RERGL: variants seen among roughly 807,000 people sequenced by gnomAD.
The protein encoded by RERGL is ras-related and estrogen-regulated growth inhibitor-like protein.
RERGL carries 22 observed loss-of-function variants against 24.7 expected under a neutral mutation model. The observed-to-expected ratio is 0.89, with a 90% confidence interval of 0.64 to 1.27. The LOEUF is 1.27. Among genes scored for constraint, RERGL ranks in the 50% most tolerant of loss-of-function variants. The pLI, the probability that RERGL is intolerant of heterozygous loss-of-function variation, is 0.00. For synonymous variants in RERGL, 76 were observed against 82.6 expected, an observed-to-expected ratio of 0.92 and a Z score of 0.43; for missense variants, 259 against 235.3, an observed-to-expected ratio of 1.10 and a Z score of -0.66.
At chr12:18,084,387 T>C (rs577739893) in intron 4 of RERGL, 130 bp downstream of exon 4, 2 of 706,974 alleles carry the variant, frequency 2.8e-6, no homozygotes, top group Non-Finnish European at 4.4e-6. Flanking sequence ...TCCTGTGGAA[T>C]AGGAAGGTGA....
rs570781201 is a variant in RERGL at position 18,089,269 on chromosome 12, C to G, written c.53-313G>C. ...CAGATTTCTCATTATATTTGAGATG[C>G]AAGAAGTTTGACATCTGTTTATTTT... On this transcript the variant is annotated intron_variant, in intron 1 of 4. Coordinates refer to ENST00000538724, the MANE Select transcript of RERGL (RefSeq NM_001286201.2). 6.2e-6 allele frequency: 10 copies of G among 1,606,834 alleles called. No homozygotes were observed. The African/African-American group carries it at 8.0e-5, about 13-fold the overall frequency.
At chr12:18,087,976 T>C (rs965727529) in intron 2 of RERGL, among the ~76,000 whole-genome samples, 7 of 152,132 alleles carry the variant, frequency 4.6e-5, no homozygotes, top group African/African-American at 1.7e-4. Flanking sequence ...AAAAACACAA[T>C]GTAATATATT....
chr12:18,084,021 A>G (rs557595118), intron 4 of RERGL, among the ~76,000 whole-genome samples: 1 of 152,286 alleles, frequency 6.6e-6, no homozygotes, highest in Non-Finnish European at 1.5e-5. Context: ...TCAGCCCTTT[A>G]GGAGGTAAAA....
At chr12:18,088,341 C>T (rs2136834281) in intron 2 of RERGL, among the ~76,000 whole-genome samples, 1 of 152,028 alleles carries the variant, frequency 6.6e-6, no homozygotes, top group Admixed American at 6.5e-5. Context: ...AGTCAAAAAA[C>T]AGAAATTTAT....
intron 4 of RERGL, among the ~76,000 whole-genome samples, chr12:18,081,869 G>A (rs572345433): frequency 3.4e-4 from 52 of 152,262 alleles, no homozygotes; most frequent in African/African-American, 1.2e-3. Flanking sequence ...GGCTGGGTGC[G>A]GTGGCTCACG....
chr12:18,081,613 T>C (rs532145723), intron 4 of RERGL, 140 bp from the exon 5 acceptor site: 733 of 750,498 alleles, frequency 9.8e-4, no homozygotes, highest in Non-Finnish European at 1.3e-3. Flanking sequence ...TATGGTCATG[T>C]GTGTATACAG....
intron 3 of RERGL, among the ~76,000 whole-genome samples, chr12:18,085,025 A>T (rs1249881880): frequency 6.6e-6 from 1 of 152,132 alleles, no homozygotes; most frequent in Non-Finnish European, 1.5e-5. Flanking sequence ...ATATCTATTG[A>T]TTTTTGGTAC....
chr12:18,084,145 C>T (rs1387647271), intron 4 of RERGL, among the ~76,000 whole-genome samples: 2 of 152,104 alleles, frequency 1.3e-5, no homozygotes, highest in East Asian at 3.9e-4. Flanking sequence ...CATGTGGTGC[C>T]AAACGTAATA....
intron 4 of RERGL, among the ~76,000 whole-genome samples, chr12:18,081,841 A>G (rs1947176343): frequency 6.6e-6 from 1 of 152,212 alleles, no homozygotes; most frequent in African/African-American, 2.4e-5. Flanking sequence ...CTATGTAGCC[A>G]TAAAAAAGAA....
intron 2 of RERGL, among the ~76,000 whole-genome samples, chr12:18,086,024 A>ATTTTTTTTTTTTTT (rs577015041): frequency 3.2e-5 from 4 of 125,088 alleles, no homozygotes; most frequent in African/African-American, 1.3e-4. Flanking sequence ...CGCCTGGCCA[A>ATTTTTTTTTTTTTT]TTTTTTTTTT....
chr12:18,086,372 T>C (rs921191373), intron 2 of RERGL, among the ~76,000 whole-genome samples: 11 of 152,140 alleles, frequency 7.2e-5, no homozygotes, highest in East Asian at 1.9e-4. Context: ...TTCCCTCTTA[T>C]ATATCATAAT....
rs1472020953 is a variant in RERGL at position 18,084,592 on chromosome 12, C to T, written c.257G>A (p.Ser86Asn). ...ADGFVIVYDI[S>N]DRSSFAFAKA... Reference sequence around the variant, plus strand: ...TGCAAAAGCAAATGAAGACCTATCACTGATGTCATACACAATAACAAACCC... The same window carrying T: ...TGCAAAAGCAAATGAAGACCTATCATTGATGTCATACACAATAACAAACCC... The change falls in exon 4 of 5, where the codon AGT (serine) becomes AAT (asparagine). Residue 86 changes from serine (S) to asparagine (N), a missense_variant. By Grantham distance (46) the Ser-to-Asn change is conservative. Coordinates refer to ENST00000538724, the MANE Select transcript of RERGL (RefSeq NM_001286201.2). 2 of 1,613,150 alleles carry T rather than the reference C, an allele frequency of 1.2e-6. No individual in the cohort carries two copies. The highest frequency in any genetic ancestry group is 1.7e-6 in the Non-Finnish European group (2 of 1,179,646).
intron 2 of RERGL, among the ~76,000 whole-genome samples, 155 bp from the exon 3 acceptor site, chr12:18,085,848 CT>C (rs1174192368): frequency 0.3 from 35,665 of 118,634 alleles, 4,855 homozygotes; most frequent in East Asian, 0.61. Flanking sequence ...AGATATGTTT[CT>C]TTTTTTTTTT....
At chr12:18,085,926 C>T (rs1420265241) in intron 2 of RERGL, among the ~76,000 whole-genome samples, 2 of 148,488 alleles carry the variant, frequency 1.3e-5, no homozygotes, top group Admixed American at 6.8e-5. Flanking sequence ...GGCGCGATCT[C>T]GGCTCACCGC....
At chr12:18,084,731 G>A in intron 3 of RERGL, 66 bp from the exon 4 acceptor site, 2 of 1,388,152 alleles carry the variant, frequency 1.4e-6, no homozygotes, top group South Asian at 2.8e-5. Context: ...ACTTTAAACA[G>A]TTAACTAATG....
chr12:18,082,320 T>G (rs1947182121), intron 4 of RERGL, among the ~76,000 whole-genome samples: 1 of 151,884 alleles, frequency 6.6e-6, no homozygotes, highest in African/African-American at 2.4e-5. Context: ...CAACACACAA[T>G]GGTGCCTATT....
chr12:18,089,144 G>A, intron 1 of RERGL, 188 bp from the exon 2 acceptor site: 1 of 1,253,756 alleles, frequency 8.0e-7, no homozygotes, highest in Non-Finnish European at 1.1e-6. Flanking sequence ...TGATTAGAAA[G>A]TTAGAAAGGA....
intron 2 of RERGL, 110 bp from the exon 3 acceptor site, chr12:18,085,803 T>C: frequency 1.7e-6 from 1 of 596,578 alleles, no homozygotes; most frequent in South Asian, 2.1e-5. Flanking sequence ...TTTATATTGC[T>C]GGTGACTGAA....
Position 18,081,308 on chromosome 12 carries a change from T to C in RERGL, c.498A>G (p.Arg166=), listed in dbSNP as rs1947168514. ...QSLEVEMMFI[R]IIKDILINFK... is the part of the protein sequence containing the mutation. ...AGTTTATCAGGATGTCCTTGATAATTCTGATAAACATCATTTCCACCTCCA... is the reference window on the plus strand; with the variant it reads ...AGTTTATCAGGATGTCCTTGATAATCCTGATAAACATCATTTCCACCTCCA... The change falls in exon 5 of 5, where the codon AGA becomes AGG. Residue 166 remains arginine (R), a synonymous_variant. Transcript: ENST00000538724. 1 of 1,614,160 alleles carries C rather than the reference T, an allele frequency of 6.2e-7. No individual in the cohort carries two copies. The highest frequency in any genetic ancestry group is 1.1e-5 in the South Asian group (1 of 91,080).
Sources: gnomAD v4.1 joint callset for allele counts (sites outside exome capture counted in the v4.1 genomes callset) on GRCh38, gnomAD v4.1.1 for gene constraint, MANE v1.5 for transcripts, NCBI Gene and HGNC (gene_info 2026-07-23, HGNC 2026-07-21) for gene names.